CRACDL: variants seen among roughly 807,000 people sequenced by gnomAD.
CRACDL encodes CRACD like.
In CRACDL, 26 loss-of-function variants were observed where a neutral mutation model predicts 70.6. The ratio of observed to expected loss-of-function variants is 0.37; its 90% CI spans 0.27 to 0.51. CRACDL has a LOEUF of 0.51. Among genes scored for constraint, CRACDL ranks in the 20% least tolerant of loss-of-function variants. CRACDL has a pLI of 0.94. For synonymous variants in CRACDL, 618 were observed against 615.2 expected (o/e 1.00, Z -0.07); for missense variants, 1,283 against 1,376.9 (o/e 0.93, Z 1.08).
chr2:98,822,001 A>C lies in CRACDL; in HGVS notation c.2272T>G (p.Ser758Ala). ...GGCTTCCGGGGCAGGGGCGGCTTGGAGCTGAGCGGCTCGGGGGGCCGGGCC... is the reference window on the plus strand; with the variant it reads ...GGCTTCCGGGGCAGGGGCGGCTTGGCGCTGAGCGGCTCGGGGGGCCGGGCC... ...GKARPPEPLS[S>A]KPPLPRKPLL... The change falls in exon 7 of 10, where the codon TCC becomes GCC. Residue 758 changes from serine (S) to alanine (A), a missense_variant. Physicochemically the swap from Ser to Ala is moderately conservative, Grantham distance 99 (BLOSUM62 1). This residue lies in a region of CRACDL where 921 missense variants were observed against 881.9 expected (regional missense o/e 1.04). Transcript: ENST00000397899. This position sits in a 1 kb window ranked among gnomAD's most constrained non-coding sequence, Gnocchi z 4.9. 6.5e-7 allele frequency: 1 copy of C among 1,536,630 alleles called. No individual in the cohort carries two copies. The highest frequency in any genetic ancestry group is 8.8e-7 in the Non-Finnish European group (1 of 1,141,532).
At chr2:98,902,879 C>T (rs1166790871) in intron 1 of CRACDL, among the ~76,000 whole-genome samples, 1 of 152,146 alleles carries the variant, frequency 6.6e-6, no homozygotes, top group Admixed American at 6.5e-5. Context: ...AACATGCCCC[C>T]ACATTTACTA....
intron 1 of CRACDL, among the ~76,000 whole-genome samples, chr2:98,934,511 A>G (rs1709161265): frequency 6.6e-6 from 1 of 152,142 alleles, no homozygotes; most frequent in South Asian, 2.1e-4. Context: ...CATCTTAACT[A>G]GCCTAAGAGG....
chr2:98,874,132 T>C (rs1193450018), intron 1 of CRACDL, among the ~76,000 whole-genome samples: 1 of 152,248 alleles, frequency 6.6e-6, no homozygotes, highest in Non-Finnish European at 1.5e-5. Context: ...TTAGATCTAT[T>C]GTTAACAATG....
At chr2:98,862,814 ACACATTG>A (rs1422320056) in intron 1 of CRACDL, among the ~76,000 whole-genome samples, 1 of 152,178 alleles carries the variant, frequency 6.6e-6, no homozygotes, top group Non-Finnish European at 1.5e-5. Flanking sequence ...GGACCAACAT[ACACATTG>A]TAAGAGTTCC....
intron 1 of CRACDL, among the ~76,000 whole-genome samples, chr2:98,884,038 G>A (rs901314202): frequency 2.0e-5 from 3 of 152,208 alleles, no homozygotes; most frequent in African/African-American, 4.8e-5. Flanking sequence ...GAAGCGGCGT[G>A]TGTTGGGGGG....
chr2:98,827,121 G>A lies in CRACDL; in HGVS notation c.589C>T (p.Arg197Trp), dbSNP rs754921635. The A allele has an allele frequency of 1.1e-5, 17 of 1,613,976 alleles. No individual in the cohort carries two copies. Among genetic ancestry groups the A allele is most frequent in the Admixed American group, 3.3e-5 (2 of 59,994 alleles). The change falls in exon 6 of 10, where the codon CGG becomes TGG. Residue 197 changes from arginine (R) to tryptophan (W), a missense_variant. This residue lies in a region of CRACDL where 362 missense variants were observed against 495.0 expected (regional missense o/e 0.73). Coordinates refer to ENST00000397899, the MANE Select transcript of CRACDL (RefSeq NM_207362.3). ...DHVSDSTVSA[R>W]ISDNSLAPVA... ...GGTGCCAGGCTGTTGTCTGAGATCCGGGCAGAGACGGTGCTGTCGCTCACG... is the reference window on the plus strand; with the variant it reads ...GGTGCCAGGCTGTTGTCTGAGATCCAGGCAGAGACGGTGCTGTCGCTCACG...
At chr2:98,890,826 G>A (rs947980596) in intron 1 of CRACDL, among the ~76,000 whole-genome samples, 12 of 152,178 alleles carry the variant, frequency 7.9e-5, no homozygotes, top group African/African-American at 2.9e-4. Context: ...GGAGGCCGAG[G>A]TGGGTGGACC....
rs899839443 is a variant in CRACDL, at chr2:98,922,229, T to A, written c.-11+13709A>T. Among the ~76,000 whole-genome samples, 4 of 148,726 alleles carry A rather than the reference T, an allele frequency of 2.7e-5. No homozygotes were observed. In the South Asian group the frequency reaches 8.5e-4, roughly 32 times the overall value. ...GGCAGGTGGATCATGAGGTCAAGAG[T>A]TCGAGACCAGCCTGACCAACATGGT... is the stretch of plus-strand genomic sequence containing the variant. On this transcript the variant is annotated intron_variant, in intron 1 of 9. Transcript: ENST00000397899.
chr2:98,821,743 T>A (rs1705038095), intron 7 of CRACDL, 114 bp downstream of exon 7: 2 of 1,335,664 alleles, frequency 1.5e-6, no homozygotes, highest in Middle Eastern at 2.5e-4. Context: ...CTCCTTCCAA[T>A]TCCCCTGCAA....
Position 98,822,533 on chromosome 2 carries a change from T to G in CRACDL, c.1740A>C (p.Arg580=), listed in dbSNP as rs915221644. ...GAKKFSVSSC[R]ARPRPGVSRP... is the part of the protein sequence containing the mutation. ...GGGAGACGCCCGGACGAGGCCGCGC[T>G]CGGCACGAGGACACCGAGAACTTCT... The change falls in exon 7 of 10, where the codon CGA becomes CGC. Residue 580 remains arginine, a synonymous_variant. Coordinates refer to ENST00000397899, the MANE Select transcript of CRACDL (RefSeq NM_207362.3). The surrounding 1 kb of genome is among the most constrained non-coding windows in gnomAD (Gnocchi z 4.9). 2.7e-6 allele frequency: 4 copies of G among 1,460,654 alleles called. No homozygotes were observed. The allele number at this position is 1,460,654 out of a possible 1,614,324, so 90.5% of individuals were successfully genotyped here.
At chr2:98,843,849 C>T (rs1706136035) in intron 2 of CRACDL, among the ~76,000 whole-genome samples, 1 of 152,110 alleles carries the variant, frequency 6.6e-6, no homozygotes, top group East Asian at 1.9e-4. Context: ...TAGTTCTTTG[C>T]TTCTTCACAT....
intron 1 of CRACDL, among the ~76,000 whole-genome samples, chr2:98,912,359 CT>C (rs1708564714): frequency 6.6e-6 from 1 of 152,216 alleles, no homozygotes; most frequent in Non-Finnish European, 1.5e-5. Flanking sequence ...CCAGCCGTCT[CT>C]GCTAGACTGT....
intron 5 of CRACDL, among the ~76,000 whole-genome samples, chr2:98,828,470 G>A (rs779323036): frequency 2.8e-4 from 43 of 152,154 alleles, no homozygotes; most frequent in Non-Finnish European, 2.1e-4. Flanking sequence ...CCCCAGTGGC[G>A]AACTCCTAGG....
chr2:98,907,271 G>A (rs1384963156), intron 1 of CRACDL, among the ~76,000 whole-genome samples: 1 of 152,068 alleles, frequency 6.6e-6, no homozygotes, highest in Non-Finnish European at 1.5e-5. Flanking sequence ...CAGCCTAGGC[G>A]ACAACAGTGA....
chr2:98,806,655 C>T (rs573610639), intron 7 of CRACDL, among the ~76,000 whole-genome samples: 3 of 152,332 alleles, frequency 2.0e-5, no homozygotes, highest in Non-Finnish European at 2.9e-5. Context: ...AGCTGGTCTC[C>T]GCTCCCAACC....
intron 9 of CRACDL, 129 bp downstream of exon 9, chr2:98,795,991 G>GTCC: frequency 1.2e-6 from 1 of 819,470 alleles, no homozygotes; most frequent in East Asian, 2.5e-5. Flanking sequence ...TTGTATCTCC[G>GTCC]TAAGAGCTGT....
At chr2:98,839,523 C>T (rs1049325317) in intron 2 of CRACDL, among the ~76,000 whole-genome samples, 5 of 152,202 alleles carry the variant, frequency 3.3e-5, no homozygotes, top group Non-Finnish European at 7.3e-5. Context: ...AGATACACAG[C>T]CTCAATATCA....
chr2:98,853,700 A>G lies in CRACDL; in HGVS notation c.-10-6890T>C, dbSNP rs187071908. Among the ~76,000 whole-genome samples, 18 of 152,350 alleles carry G rather than the reference A, an allele frequency of 1.2e-4. No homozygotes were observed. In the East Asian group the frequency reaches 3.1e-3, roughly 26 times the overall value. On this transcript the variant is annotated intron_variant, in intron 1 of 9. Transcript: ENST00000397899. The stretch of plus-strand genomic sequence containing the variant: ...CTAAAAAAACTATTATGAATTTACA[A>G]TGTATGTAGATGTAATATGTGACTA...
intron 7 of CRACDL, among the ~76,000 whole-genome samples, chr2:98,817,680 C>A (rs1704840855): frequency 6.6e-6 from 1 of 152,132 alleles, no homozygotes; most frequent in Non-Finnish European, 1.5e-5. Flanking sequence ...AAAGAGCTTG[C>A]ATGGCAGGAG....
Sources: gnomAD v4.1 joint callset for allele counts (sites outside exome capture counted in the v4.1 genomes callset) on GRCh38, gnomAD v4.1.1 for gene constraint, gnomAD v4.1.1 regional missense constraint, Gnocchi (gnomAD v3.1) non-coding constraint, MANE v1.5 for transcripts, NCBI Gene and HGNC (gene_info 2026-07-23, HGNC 2026-07-21) for gene names.